Variants in ABCA4 observed in about 807,000 individuals in gnomAD.
The protein encoded by ABCA4 is retinal-specific phospholipid-transporting ATPase ABCA4.
ABCA4 carries 196 observed loss-of-function variants against 263.7 expected under a neutral mutation model. The ratio of observed to expected loss-of-function variants is 0.74; its 90% CI spans 0.66 to 0.84. The LOEUF (loss-of-function observed/expected upper bound fraction) is 0.84, where lower values mean the gene tolerates loss of function less well. Ranked by LOEUF, ABCA4 falls within the 40% of genes least tolerant of loss-of-function variation. The pLI is 0.00. For synonymous variants in ABCA4, 1,133 were observed against 1,094.2 expected, an observed-to-expected ratio of 1.04 and a Z score of -0.70; for missense variants, 2,792 against 2,855.1, an observed-to-expected ratio of 0.98 and a Z score of 0.50.
chr1:94,036,966 A>G (rs558172697), intron 25 of ABCA4, among the ~76,000 whole-genome samples, 178 bp from the exon 26 acceptor site: 5 of 152,372 alleles, frequency 3.3e-5, no homozygotes, highest in Non-Finnish European at 7.3e-5. Flanking sequence ...AACCACAAGT[A>G]CATAAAATTT....
At chr1:94,065,005 A>C (rs1661228202) in intron 11 of ABCA4, among the ~76,000 whole-genome samples, 1 of 152,174 alleles carries the variant, frequency 6.6e-6, no homozygotes, top group Non-Finnish European at 1.5e-5. Flanking sequence ...TCATCCCCAC[A>C]AACTATCTGT....
chr1:94,034,802 G>A (rs1387829758), intron 26 of ABCA4, among the ~76,000 whole-genome samples: 1 of 152,098 alleles, frequency 6.6e-6, no homozygotes, highest in African/African-American at 2.4e-5. Flanking sequence ...ATAAGACAAT[G>A]GATGTTAAGT....
Position 94,062,596 on chromosome 1 carries a change from G to A in ABCA4, c.1918C>T (p.Pro640Ser). 6.2e-7 allele frequency: 1 copy of A among 1,614,170 alleles called. No homozygotes were observed. Among genetic ancestry groups the A allele is most frequent in the South Asian group, 1.1e-5 (1 of 91,080 alleles). Residue 640 changes from proline (P) to serine (S), a missense_variant, in exon 13 of 50, where the codon CCC (proline) becomes TCC (serine). By Grantham distance (74) the Pro-to-Ser change is moderately conservative (BLOSUM62 -1). Coordinates refer to ENST00000370225, the MANE Select transcript of ABCA4 (RefSeq NM_000350.3). ...ACTCACGAATCGTCCACGAAGCAGG[G>A]GTAGGGCATCTGCTGGAGGTAGATT... ...VGIYLQQMPY[P>S]CFVDDSFMII...
intron 1 of ABCA4, among the ~76,000 whole-genome samples, chr1:94,115,434 A>G (rs1356745097): frequency 6.6e-6 from 1 of 152,116 alleles, no homozygotes; most frequent in African/African-American, 2.4e-5. Context: ...TCTGAGTCTC[A>G]GTTTTGTCCT....
intron 7 of ABCA4, 143 bp from the exon 8 acceptor site, chr1:94,080,861 G>T (rs1394474045): frequency 7.7e-7 from 1 of 1,301,314 alleles, no homozygotes. Flanking sequence ...ATCCAGCTGC[G>T]AAAAACAAAA....
rs942734318 is a variant in ABCA4 at position 94,060,628 on chromosome 1, C to T, written c.2069G>A (p.Gly690Asp). The T allele has an allele frequency of 6.2e-7, 1 of 1,614,168 alleles. No individual in the cohort carries two copies. Among genetic ancestry groups the T allele is most frequent in the East Asian group, 2.2e-5 (1 of 44,888 alleles). The change falls in exon 14 of 50, where the codon GGT becomes GAT. Residue 690 changes from glycine (G) to aspartate (D), a missense_variant. Gly to Asp is a moderately conservative substitution (Grantham distance 94, BLOSUM62 -1). Coordinates refer to ENST00000370225, the MANE Select transcript of ABCA4 (RefSeq NM_000350.3). Reference sequence around the variant, plus strand: ...ACACCAAATCACTGCATTGGAGACACCCTGATTTTTCAAGGTCTCCTTCAG... The same window carrying T: ...ACACCAAATCACTGCATTGGAGACATCCTGATTTTTCAAGGTCTCCTTCAG... ...LRLKETLKNQ[G>D]VSNAVIWCTW...
At chr1:94,018,701 A>T (rs567054995) in intron 36 of ABCA4, 2 of 425,648 alleles carry the variant, frequency 4.7e-6, no homozygotes, top group East Asian at 1.4e-4. Context: ...TACTCAAGAC[A>T]CCTAGAATAA....
At chr1:94,075,751 A>T (rs543104765) in intron 11 of ABCA4, among the ~76,000 whole-genome samples, 1 of 152,328 alleles carries the variant, frequency 6.6e-6, no homozygotes, top group South Asian at 2.1e-4. Flanking sequence ...GACCTGGCCC[A>T]TGGGCAAGAG....
intron 1 of ABCA4, among the ~76,000 whole-genome samples, chr1:94,116,916 CT>C (rs776615509): frequency 6.6e-6 from 1 of 151,744 alleles, no homozygotes; most frequent in Non-Finnish European, 1.5e-5. Flanking sequence ...TTCTTTTTTT[CT>C]TTTTCTTTTC....
intron 35 of ABCA4, 54 bp downstream of exon 35, chr1:94,021,186 A>G: frequency 6.2e-7 from 1 of 1,611,172 alleles, no homozygotes; most frequent in East Asian, 2.2e-5. Context: ...CAGGATGTTC[A>G]AAGAGTGGAG....
chr1:94,016,544 C>G (rs919417235), intron 36 of ABCA4, among the ~76,000 whole-genome samples: 2 of 152,006 alleles, frequency 1.3e-5, no homozygotes, highest in Non-Finnish European at 2.9e-5. Context: ...GAGTTGGGCA[C>G]TGTTCAGGTG....
intron 17 of ABCA4, among the ~76,000 whole-genome samples, chr1:94,049,490 G>A (rs1660776686): frequency 6.6e-6 from 1 of 152,134 alleles, no homozygotes; most frequent in South Asian, 2.1e-4. Context: ...CGGGTGGGGT[G>A]GCGCTCACCT....
intron 8 of ABCA4, 31 bp downstream of exon 8, chr1:94,080,447 C>T (rs918047563): frequency 1.9e-6 from 3 of 1,613,726 alleles, no homozygotes; most frequent in African/African-American, 2.7e-5. Flanking sequence ...ACATGAGAGG[C>T]CAATTTATAA....
At position 94,044,051 on chromosome 1, in the gene ABCA4, TCCCTCCCTCCCTCGCTTCCTTCTC is replaced by T. The variant is rs1197573224; in HGVS notation, c.3050+538_3050+561del. 5.1e-3 allele frequency among the ~76,000 whole-genome samples: 302 copies of T among 59,562 alleles called. 3 individuals are homozygous for T. The East Asian group carries it at 0.063, about 12-fold the overall frequency. The allele number at this position is 59,562 out of a possible 152,430, so 39.1% of individuals were successfully genotyped here. ...CCCTCCTGTTCCCTTCCTTCTCCCC[TCCCTCCCTCCCTCGCTTCCTTCTC>T]CCCTCCCTCCCTCCCTTCTTTCCTT... On this transcript the variant is annotated intron_variant, in intron 20 of 49. Transcript: ENST00000370225.
Position 94,108,658 on chromosome 1 carries a change from G to A in ABCA4, c.361C>T (p.His121Tyr), listed in dbSNP as rs1203433117. Residue 121 changes from histidine (H) to tyrosine (Y), a missense_variant, in exon 4 of 50, where the codon CAC (histidine) becomes TAC (tyrosine). His to Tyr is a moderately conservative substitution (Grantham distance 83, BLOSUM62 2). Coordinates refer to ENST00000370225, the MANE Select transcript of ABCA4 (RefSeq NM_000350.3). ...ELLMNAPESQ[H>Y]LGRIWTELHI... is the part of the protein sequence containing the mutation. ...AGCTCTGTCCAAATACGGCCAAGGT[G>A]CTGGCTCTCTGGTGCATTCATGAGG... 5 of 1,614,012 alleles carry A rather than the reference G, an allele frequency of 3.1e-6. No homozygotes were observed. Among genetic ancestry groups the A allele is most frequent in the Non-Finnish European group, 4.2e-6 (5 of 1,180,026 alleles).
intron 4 of ABCA4, among the ~76,000 whole-genome samples, chr1:94,103,946 A>G (rs1662351670): frequency 6.6e-6 from 1 of 152,208 alleles, no homozygotes; most frequent in Non-Finnish European, 1.5e-5. Flanking sequence ...CTAACAGTTA[A>G]GGTGACCTTG....
At position 94,041,258 on chromosome 1, in the gene ABCA4, G is replaced by T. The variant is rs1285919696; in HGVS notation, c.3473C>A (p.Thr1158Asn). 6.2e-7 allele frequency: 1 copy of T among 1,614,116 alleles called. No homozygotes were observed. Among genetic ancestry groups the T allele is most frequent in the South Asian group, 1.1e-5 (1 of 91,082 alleles). The stretch of plus-strand genomic sequence containing the variant: ...GATGTTTTTCATCTTGCGCACCAAG[G>T]TTAAGTACAAGCCTGTGCCAAAGCA... ...KNCFGTGLYLTLVRKMKNIQS... is the reference protein window; with the variant it reads ...KNCFGTGLYLNLVRKMKNIQS... Residue 1158 changes from threonine (T) to asparagine (N), a missense_variant, in exon 23 of 50, where the codon ACC (threonine) becomes AAC (asparagine). Thr to Asn is a moderately conservative substitution (Grantham distance 65, BLOSUM62 0). Transcript: ENST00000370225.
At chr1:94,095,233 C>A (rs969007365) in intron 6 of ABCA4, among the ~76,000 whole-genome samples, 1 of 151,964 alleles carries the variant, frequency 6.6e-6, no homozygotes, top group African/African-American at 2.4e-5. Context: ...CACTTCTGAT[C>A]TCCAAGGAAC....
At chr1:94,092,569 C>T (rs1037136644) in intron 6 of ABCA4, among the ~76,000 whole-genome samples, 4 of 152,168 alleles carry the variant, frequency 2.6e-5, no homozygotes, top group African/African-American at 9.7e-5. Flanking sequence ...ACATGTCAAA[C>T]GGTCTCTACC....
Sources: allele counts gnomAD v4.1 joint callset (sites outside exome capture counted in the v4.1 genomes callset), GRCh38; gene constraint gnomAD v4.1.1; transcripts MANE v1.5; gene names NCBI Gene and HGNC (gene_info 2026-07-23, HGNC 2026-07-21).